The following PDE1C variants were observed in gnomAD, a reference collection of about 807,000 sequenced individuals.
The protein encoded by PDE1C is dual specificity calcium/calmodulin-dependent 3',5'-cyclic nucleotide phosphodiesterase 1C.
PDE1C carries 62 observed loss-of-function variants against 93.1 expected under a neutral mutation model. The ratio of observed to expected loss-of-function variants is 0.67; its 90% CI spans 0.54 to 0.82. The LOEUF (loss-of-function observed/expected upper bound fraction) is 0.82. PDE1C is among the 40% of genes least tolerant of loss of function. PDE1C has a pLI of 0.00. For synonymous variants in PDE1C, 325 were observed against 310.1 expected (o/e 1.05, Z -0.50); for missense variants, 742 against 884.6 (o/e 0.84, Z 2.04).
At chr7:32,088,290 A>G (rs1191562451) in intron 3 of PDE1C, among the ~76,000 whole-genome samples, 5 of 152,174 alleles carry the variant, frequency 3.3e-5, no homozygotes, top group Non-Finnish European at 7.3e-5. Context: ...ACTTTTTTTT[A>G]ATACCAGTTA....
At chr7:32,120,805 C>T (rs1209692415) in intron 3 of PDE1C, among the ~76,000 whole-genome samples, 1 of 152,094 alleles carries the variant, frequency 6.6e-6, no homozygotes, top group Non-Finnish European at 1.5e-5. Flanking sequence ...ACCCAAAAGG[C>T]CAGGTGCCTC....
At chr7:31,964,547 A>G (rs901711068) in intron 2 of PDE1C, among the ~76,000 whole-genome samples, 2 of 152,230 alleles carry the variant, frequency 1.3e-5, no homozygotes, top group Admixed American at 1.3e-4. Flanking sequence ...ACAGACAAAC[A>G]AAAGGCAGAA....
intron 2 of PDE1C, among the ~76,000 whole-genome samples, chr7:31,888,082 A>G (rs941981295): frequency 2.6e-5 from 4 of 151,996 alleles, no homozygotes; most frequent in African/African-American, 9.6e-5. Context: ...CCCTGTCTCT[A>G]CTAAAAATAC....
upstream of PDE1C, chr7:32,299,443 G>A: frequency 1.3e-5 from 13 of 983,514 alleles, no homozygotes; most frequent in Non-Finnish European, 1.4e-5. Context: ...CAAAGTCACC[G>A]GAGGCTCTAT....
In PDE1C at chr7:31,816,110, C is replaced by T. The variant is rs267601486; in HGVS notation, c.1627G>A (p.Ala543Thr). 18 of 1,613,956 alleles carry T rather than the reference C, an allele frequency of 1.1e-5. No individual in the cohort carries two copies. The highest frequency in any genetic ancestry group is 1.4e-5 in the Non-Finnish European group (17 of 1,179,928). The change falls in exon 15 of 18, where the codon GCA becomes ACA. Residue 543 changes from alanine to threonine, a missense_variant. By Grantham distance (58) the Ala-to-Thr change is moderately conservative. Transcript: ENST00000396191. ...TCCATTTCCTTTTGCTGCTCCTCTGCGGCCAGGCGAGCCTTTTCCTCTGCT... is the reference window on the plus strand; with the variant it reads ...TCCATTTCCTTTTGCTGCTCCTCTGTGGCCAGGCGAGCCTTTTCCTCTGCT... Reference protein sequence around the residue: ...KEAEEKARLAAEEQQKEMEAK... With the variant: ...KEAEEKARLATEEQQKEMEAK...
chr7:32,021,303 A>G (rs1176834954), intron 2 of PDE1C, among the ~76,000 whole-genome samples: 1 of 152,118 alleles, frequency 6.6e-6, no homozygotes, highest in African/African-American at 2.4e-5. Context: ...TTTATTCCCT[A>G]AAATCCAGGG....
the PDE1C span, among the ~76,000 whole-genome samples, chr7:31,621,923 A>G: frequency 2.6e-5 from 4 of 151,318 alleles, no homozygotes; most frequent in African/African-American, 7.3e-5. Flanking sequence ...TACCAAGCCA[A>G]TGGAAAACAA....
chr7:31,752,238 T>C lies in PDE1C; in HGVS notation c.*1146A>G, dbSNP rs931338237. The C allele has an allele frequency of 2.6e-5, 4 of 152,142 alleles. No individual in the cohort carries two copies. The highest frequency in any genetic ancestry group is 7.2e-5 in the African/African-American group (3 of 41,444). The allele number at this position is 152,142 out of a possible 1,614,324, so 9.4% of individuals were successfully genotyped here. On this transcript the variant is annotated 3_prime_UTR_variant, in exon 18 of 18. Transcript: ENST00000396191. ...ATTTCTGAAGAGATTGAAAGCTATC[T>C]CTAGTCTTGAGCCTTTCCTTGCTAC...
At chr7:32,054,642 C>T (rs1181920795) in intron 1 of PDE1C, among the ~76,000 whole-genome samples, 1 of 152,186 alleles carries the variant, frequency 6.6e-6, no homozygotes, top group Non-Finnish European at 1.5e-5. Flanking sequence ...CAAAGAAAGA[C>T]AGACCAGAAG....
chr7:32,423,942 G>C (rs2128100517), intron 1 of PDE1C, among the ~76,000 whole-genome samples: 1 of 152,310 alleles, frequency 6.6e-6, no homozygotes, highest in East Asian at 1.9e-4. Flanking sequence ...TCTGCAACCA[G>C]AGGAATTTCT....
intron 17 of PDE1C, among the ~76,000 whole-genome samples, chr7:31,759,505 G>A (rs1207619465): frequency 6.6e-6 from 1 of 152,166 alleles, no homozygotes; most frequent in African/African-American, 2.4e-5. Context: ...TCCCCTTGGG[G>A]ATACTTTAAA....
At chr7:31,935,822 C>T (rs1196203516) in intron 2 of PDE1C, among the ~76,000 whole-genome samples, 1 of 151,674 alleles carries the variant, frequency 6.6e-6, no homozygotes, top group Non-Finnish European at 1.5e-5. Flanking sequence ...GGTCTAACGT[C>T]ACCAAGCAGC....
chr7:32,065,504 A>G (rs1181985850), intron 1 of PDE1C, among the ~76,000 whole-genome samples: 1 of 152,162 alleles, frequency 6.6e-6, no homozygotes, highest in Non-Finnish European at 1.5e-5. Flanking sequence ...CTGGAACTAT[A>G]TTCATCACCT....
chr7:31,962,489 C>T (rs910735075), intron 2 of PDE1C, among the ~76,000 whole-genome samples: 3 of 152,182 alleles, frequency 2.0e-5, no homozygotes, highest in African/African-American at 7.2e-5. Flanking sequence ...AACTGCTATC[C>T]CTACAGGCCT....
intron 3 of PDE1C, among the ~76,000 whole-genome samples, chr7:32,121,514 A>T (rs967162475): frequency 6.6e-6 from 1 of 152,236 alleles, no homozygotes; most frequent in Non-Finnish European, 1.5e-5. Context: ...GAAGCCTAAC[A>T]GACTAACAAC....
chr7:32,398,865 C>T (rs1246921120), intron 1 of PDE1C, among the ~76,000 whole-genome samples: 1 of 152,042 alleles, frequency 6.6e-6, no homozygotes, highest in African/African-American at 2.4e-5. Context: ...GGTCAGCCTC[C>T]CAGATTAGGT....
intron 6 of PDE1C, among the ~76,000 whole-genome samples, chr7:31,868,260 A>G (rs1165470547): frequency 6.6e-6 from 1 of 152,250 alleles, no homozygotes; most frequent in Non-Finnish European, 1.5e-5. Flanking sequence ...AAAGAAGCTC[A>G]GTGATATACA....
intron 1 of PDE1C, among the ~76,000 whole-genome samples, chr7:32,378,310 G>A (rs1784469399): frequency 6.6e-6 from 1 of 152,234 alleles, no homozygotes; most frequent in Non-Finnish European, 1.5e-5. Context: ...TGTAAAAATT[G>A]TATCAGTAGA....
intron 1 of PDE1C, among the ~76,000 whole-genome samples, chr7:32,361,298 T>C (rs1400754710): frequency 6.6e-6 from 1 of 152,166 alleles, no homozygotes; most frequent in African/African-American, 2.4e-5. Context: ...GTCTAATCCA[T>C]GAGATGCTGG....
Sources: gnomAD v4.1 joint callset for allele counts (sites outside exome capture counted in the v4.1 genomes callset) on GRCh38, gnomAD v4.1.1 for gene constraint, MANE v1.5 for transcripts, NCBI Gene and HGNC (gene_info 2026-07-23, HGNC 2026-07-21) for gene names.